DOCK9: variants seen among roughly 807,000 people sequenced by gnomAD.
The protein encoded by DOCK9 is dedicator of cytokinesis protein 9.
Under a neutral mutation model 263.3 loss-of-function variants are expected in DOCK9, and 89 were observed. The observed-to-expected ratio is 0.34, with a 90% CI of 0.28 to 0.40. The LOEUF is 0.40. DOCK9 is among the 10% of genes least tolerant of loss of function. The probability of loss-of-function intolerance (pLI) is 1.00; values close to 1 mark genes in which losing one functional copy is unlikely to be tolerated. For missense variants in DOCK9, 2,140 were observed against 2,603.4 expected (o/e 0.82, Z 3.87); for synonymous variants, 976 against 973.1 (o/e 1.00, Z -0.06).
At chr13:98,841,942 C>T (rs972562489) in intron 38 of DOCK9, among the ~76,000 whole-genome samples, 1 of 152,020 alleles carries the variant, frequency 6.6e-6, no homozygotes, top group Non-Finnish European at 1.5e-5. Flanking sequence ...CATGCCTGGC[C>T]ACAAACATTT....
At chr13:98,950,965 G>C (rs1015200204) in intron 2 of DOCK9, among the ~76,000 whole-genome samples, 5 of 152,184 alleles carry the variant, frequency 3.3e-5, no homozygotes, top group Non-Finnish European at 4.4e-5. Context: ...GGAAAAGGCA[G>C]GCGTCCTGGG....
chr13:98,894,947 T>C (rs2047154747), intron 15 of DOCK9, among the ~76,000 whole-genome samples: 1 of 71,750 alleles, frequency 1.4e-5, no homozygotes, highest in Admixed American at 2.3e-4. Flanking sequence ...TTAGTATCTC[T>C]ACTAAAATAC....
chr13:98,930,110 G>A, intron 3 of DOCK9, 58 bp downstream of exon 3: 2 of 1,446,344 alleles, frequency 1.4e-6, no homozygotes, highest in South Asian at 2.4e-5. Flanking sequence ...TTAAAGAAAA[G>A]GAGGCAGTTA....
chr13:98,879,184 C>G (rs1287348739), intron 27 of DOCK9, among the ~76,000 whole-genome samples: 1 of 152,124 alleles, frequency 6.6e-6, no homozygotes, highest in Non-Finnish European at 1.5e-5. Flanking sequence ...CCTCAGAGAG[C>G]CTGAGGTGGC....
chr13:98,932,685 T>G lies in DOCK9; in HGVS notation c.244-2428A>C, dbSNP rs2054160820. Among the ~76,000 whole-genome samples the G allele has an allele frequency of 1.3e-5, 2 of 152,240 alleles. 1 individual carries two copies. Among genetic ancestry groups the G allele is most frequent in the South Asian group, 4.1e-4 (2 of 4,830 alleles). The stretch of plus-strand genomic sequence containing the variant: ...TTCCTGCCTGTATTTTCTCTCTCTG[T>G]TGTGTCTGCTTCACCTATATTTATT... On this transcript the variant is annotated intron_variant, in intron 2 of 52. Transcript: ENST00000682017.
At chr13:98,924,552 T>C (rs149699085) in intron 4 of DOCK9, among the ~76,000 whole-genome samples, 21 of 152,330 alleles carry the variant, frequency 1.4e-4, no homozygotes, top group African/African-American at 5.0e-4. Flanking sequence ...TGAAATTTGG[T>C]CCCCGTTGTT....
At chr13:98,998,705 T>A (rs1431156442) in intron 1 of DOCK9, among the ~76,000 whole-genome samples, 1 of 152,144 alleles carries the variant, frequency 6.6e-6, no homozygotes, top group Non-Finnish European at 1.5e-5. Context: ...TGGCCCCTAA[T>A]CGTCCAACTG....
At chr13:99,070,374 C>A (rs1320986091) in intron 1 of DOCK9, among the ~76,000 whole-genome samples, 4 of 152,198 alleles carry the variant, frequency 2.6e-5, no homozygotes, top group African/African-American at 4.8e-5. Flanking sequence ...ATATTCCTAT[C>A]TTTTCATGTG....
intron 50 of DOCK9, among the ~76,000 whole-genome samples, chr13:98,798,088 C>T (rs1007549999): frequency 1.3e-5 from 2 of 152,122 alleles, no homozygotes; most frequent in African/African-American, 4.8e-5. Flanking sequence ...GAACCCTGCA[C>T]CACCCTTGCA....
intron 1 of DOCK9, among the ~76,000 whole-genome samples, chr13:99,052,956 T>C (rs1458040220): frequency 6.6e-6 from 1 of 152,170 alleles, no homozygotes; most frequent in Non-Finnish European, 1.5e-5. Flanking sequence ...ACTCTATTGA[T>C]GCTAATGAAT....
chr13:98,932,868 C>A (rs1237485415), intron 2 of DOCK9, among the ~76,000 whole-genome samples: 1 of 152,154 alleles, frequency 6.6e-6, no homozygotes, highest in Non-Finnish European at 1.5e-5. Flanking sequence ...GTCCTGACTT[C>A]TTTGTAAGTA....
intron 1 of DOCK9, among the ~76,000 whole-genome samples, chr13:99,012,603 C>A (rs1413936439): frequency 6.6e-6 from 1 of 152,188 alleles, no homozygotes; most frequent in Non-Finnish European, 1.5e-5. Context: ...TGCAAACCCA[C>A]ATATGAAGAT....
At chr13:98,809,203 C>A in intron 47 of DOCK9, 149 bp downstream of exon 47, 1 of 1,294,072 alleles carries the variant, frequency 7.7e-7, no homozygotes, top group South Asian at 1.4e-5. Context: ...AGATAAGAAT[C>A]ATACTAAATA....
intron 2 of DOCK9, among the ~76,000 whole-genome samples, chr13:98,938,974 A>C (rs1306286700): frequency 6.6e-6 from 1 of 152,216 alleles, no homozygotes; most frequent in East Asian, 1.9e-4. Context: ...TCTGCTGCTC[A>C]AAGGTGCAGA....
chr13:98,933,816 A>G (rs1167627187), intron 2 of DOCK9, among the ~76,000 whole-genome samples: 1 of 152,216 alleles, frequency 6.6e-6, no homozygotes, highest in Non-Finnish European at 1.5e-5. Flanking sequence ...GCTGGCTTTC[A>G]CCAACAAAAT....
At chr13:98,826,966 T>C in intron 43 of DOCK9, 79 bp from the exon 44 acceptor site, 2 of 1,094,026 alleles carry the variant, frequency 1.8e-6, no homozygotes, top group South Asian at 2.9e-5. Flanking sequence ...AGAAATCTAA[T>C]CAATGTATGA....
intron 52 of DOCK9, among the ~76,000 whole-genome samples, chr13:98,796,573 A>G (rs1404439424): frequency 6.6e-6 from 1 of 152,214 alleles, no homozygotes; most frequent in Non-Finnish European, 1.5e-5. Flanking sequence ...CAGGAAAGAG[A>G]TAACAGCAAA....
chr13:99,033,216 C>T (rs930521517), intron 1 of DOCK9, among the ~76,000 whole-genome samples: 2 of 152,122 alleles, frequency 1.3e-5, no homozygotes, highest in African/African-American at 4.8e-5. Flanking sequence ...CAGGCAGGAC[C>T]AGTAGTAGAG....
chr13:98,999,347 T>C (rs1374468035), intron 1 of DOCK9, among the ~76,000 whole-genome samples: 1 of 125,450 alleles, frequency 8.0e-6, no homozygotes, highest in Non-Finnish European at 1.8e-5. Flanking sequence ...GGAAGGTGAC[T>C]AATGAGAGGA....
Sources: gnomAD v4.1 joint callset for allele counts (sites outside exome capture counted in the v4.1 genomes callset) on GRCh38, gnomAD v4.1.1 for gene constraint, MANE v1.5 for transcripts, NCBI Gene and HGNC (gene_info 2026-07-23, HGNC 2026-07-21) for gene names.